The following KSR2 variants were observed in gnomAD, a reference collection of about 807,000 sequenced individuals.
KSR2 encodes kinase suppressor of ras 2.
Under a neutral mutation model 107.8 loss-of-function variants are expected in KSR2, and 25 were observed. That is an observed-to-expected ratio of 0.23 (90% CI 0.17 to 0.32). KSR2 has a LOEUF of 0.32. Ranked by LOEUF, KSR2 falls within the 10% of genes least tolerant of loss-of-function variation. The pLI is 1.00. For missense variants in KSR2, 887 were observed against 1,268.9 expected (o/e 0.70, Z 4.57); for synonymous variants, 480 against 507.0 (o/e 0.95, Z 0.71).
At chr12:117,904,278 T>C (rs1478929505) in intron 1 of KSR2, among the ~76,000 whole-genome samples, 1 of 152,172 alleles carries the variant, frequency 6.6e-6, no homozygotes, top group Non-Finnish European at 1.5e-5. Flanking sequence ...CCTCCATGCC[T>C]GGAGGTGCTT....
intron 4 of KSR2, among the ~76,000 whole-genome samples, chr12:117,695,169 G>GAA (rs1372346723): frequency 1.3e-5 from 2 of 151,950 alleles, no homozygotes; most frequent in Non-Finnish European, 2.9e-5. Flanking sequence ...ACTTCTATGA[G>GAA]GTACCTAGAA....
rs143050922 is a variant in KSR2 at position 117,563,327 on chromosome 12, C to G, written c.1326-4754G>C. On this transcript the variant is annotated intron_variant, in intron 7 of 19. Coordinates refer to ENST00000339824, the MANE Select transcript of KSR2 (RefSeq NM_173598.6). ...TTCCCAGATGAGAGATGAATGGGAG[C>G]CTGAATCTTTCGGAATACAATGTTC... 1.5e-3 allele frequency among the ~76,000 whole-genome samples: 229 copies of G among 152,148 alleles called. 1 individual carries two copies. Among genetic ancestry groups the G allele is most frequent in the African/African-American group, 5.3e-3 (220 of 41,504 alleles).
intron 3 of KSR2, among the ~76,000 whole-genome samples, chr12:117,797,302 T>C (rs780815440): frequency 6.6e-6 from 1 of 152,186 alleles, no homozygotes; most frequent in Non-Finnish European, 1.5e-5. Flanking sequence ...TATTCAGCCA[T>C]AAAAAGGAAT....
At chr12:117,517,545 C>T (rs144918413) in intron 14 of KSR2, among the ~76,000 whole-genome samples, 2 of 152,254 alleles carry the variant, frequency 1.3e-5, no homozygotes, top group African/African-American at 4.8e-5. Context: ...CATGCAAATC[C>T]TCTGCTGCTC....
chr12:117,474,838 G>A lies in KSR2; in HGVS notation c.2582+1626C>T, dbSNP rs1871676956. On this transcript the variant is annotated intron_variant, in intron 17 of 19. Transcript: ENST00000339824. The stretch of plus-strand genomic sequence containing the variant: ...GGTTTCATTTGTCATCTCCACGATA[G>A]CTCAAACTCACTGTGTCTAAACCTG... Among the ~76,000 whole-genome samples the A allele has an allele frequency of 2.0e-5, 3 of 152,094 alleles. No individual in the cohort carries two copies. The South Asian group carries it at 6.2e-4, about 32-fold the overall frequency.
chr12:117,872,669 G>A (rs1459831940), intron 1 of KSR2, among the ~76,000 whole-genome samples: 1 of 152,166 alleles, frequency 6.6e-6, no homozygotes, highest in Non-Finnish European at 1.5e-5. Flanking sequence ...GGACTCTAAT[G>A]GTTCCAAGAA....
intron 3 of KSR2, among the ~76,000 whole-genome samples, chr12:117,812,634 G>GA (rs1420235937): frequency 6.6e-6 from 1 of 151,602 alleles, no homozygotes. Flanking sequence ...ATAAAACACT[G>GA]AAAAAAGAAA....
chr12:117,501,256 A>C (rs996913999), intron 14 of KSR2, among the ~76,000 whole-genome samples: 1 of 152,274 alleles, frequency 6.6e-6, no homozygotes, highest in South Asian at 2.1e-4. Context: ...TCATGTTAAA[A>C]TAGCAGAGTT....
chr12:117,573,365 G>A (rs188485000), intron 7 of KSR2, among the ~76,000 whole-genome samples: 94 of 151,940 alleles, frequency 6.2e-4, no homozygotes, highest in Admixed American at 4.4e-3. Context: ...TTTTGTTGTC[G>A]TTGTCGTTGT....
At chr12:117,950,945 A>G (rs1246535265) in intron 1 of KSR2, among the ~76,000 whole-genome samples, 3 of 151,594 alleles carry the variant, frequency 2.0e-5, no homozygotes, top group Non-Finnish European at 4.4e-5. Flanking sequence ...ATGGAATCTC[A>G]CTCTGTCACC....
chr12:117,890,762 C>T (rs1463452135), intron 1 of KSR2: 2 of 152,186 alleles, frequency 1.3e-5, no homozygotes, highest in African/African-American at 4.8e-5. Flanking sequence ...CGTGGGACAT[C>T]TCTCTGCCAT....
chr12:117,766,430 T>C (rs943993814), intron 3 of KSR2, among the ~76,000 whole-genome samples: 1 of 151,754 alleles, frequency 6.6e-6, no homozygotes, highest in African/African-American at 2.4e-5. Flanking sequence ...TAGGAATGGG[T>C]TTTTGAGGGG....
At chr12:117,832,506 T>C (rs1892015201) in intron 3 of KSR2, among the ~76,000 whole-genome samples, 1 of 152,226 alleles carries the variant, frequency 6.6e-6, no homozygotes, top group Non-Finnish European at 1.5e-5. Flanking sequence ...CAAGCTTTTA[T>C]CTGCATCACC....
At chr12:117,560,247 C>G (rs1878019174) in intron 7 of KSR2, among the ~76,000 whole-genome samples, 1 of 152,142 alleles carries the variant, frequency 6.6e-6, no homozygotes, top group East Asian at 1.9e-4. Flanking sequence ...AAAAAGCCCT[C>G]TAGGTGAATT....
intron 5 of KSR2, among the ~76,000 whole-genome samples, chr12:117,646,408 A>G (rs1296650035): frequency 6.6e-6 from 1 of 152,112 alleles, no homozygotes; most frequent in Non-Finnish European, 1.5e-5. Context: ...CACTTACATC[A>G]ATTAGTCCCA....
At chr12:117,882,572 AC>A in intron 1 of KSR2, among the ~76,000 whole-genome samples, 1 of 150,630 alleles carries the variant, frequency 6.6e-6, no homozygotes, top group Non-Finnish European at 1.5e-5. Context: ...CATCCATCCA[AC>A]CACCCATCCA....
At chr12:117,587,887 T>C (rs893844677) in intron 5 of KSR2, among the ~76,000 whole-genome samples, 1 of 152,066 alleles carries the variant, frequency 6.6e-6, no homozygotes, top group Admixed American at 6.6e-5. Context: ...GAGGGGAAAA[T>C]AGCCTGCCAG....
At chr12:117,856,163 A>AT (rs532495956) in intron 2 of KSR2, among the ~76,000 whole-genome samples, 29 of 152,284 alleles carry the variant, frequency 1.9e-4, no homozygotes, top group Non-Finnish European at 4.0e-4. Flanking sequence ...TTTGAGCCCC[A>AT]TGGGGCATGG....
In KSR2 at chr12:117,726,480, G is replaced by C. The variant is rs112251682; in HGVS notation, c.986+34531C>G. Among the ~76,000 whole-genome samples the C allele has an allele frequency of 9.4e-3, 1,439 of 152,278 alleles. 18 individuals are homozygous for C. The highest frequency in any genetic ancestry group is 0.031 in the African/African-American group (1,270 of 41,554). On this transcript the variant is annotated intron_variant, in intron 4 of 19. Coordinates refer to ENST00000339824, the MANE Select transcript of KSR2 (RefSeq NM_173598.6). ...TTCCAGCTGGATAACCCATTACTGG[G>C]GCCTGGGAATGGGGGCTGCCCTGTG... is the stretch of plus-strand genomic sequence containing the variant.
Sources: gnomAD v4.1 joint callset for allele counts (sites outside exome capture counted in the v4.1 genomes callset) on GRCh38, gnomAD v4.1.1 for gene constraint, MANE v1.5 for transcripts, NCBI Gene and HGNC (gene_info 2026-07-23, HGNC 2026-07-21) for gene names.